The following MEF2A variants were observed in gnomAD, a reference collection of about 807,000 sequenced individuals.
MEF2A encodes myocyte enhancer factor 2A, also known as myocyte-specific enhancer factor 2A.
In MEF2A, 28 loss-of-function variants were observed where a neutral mutation model predicts 55.8. The observed-to-expected ratio is 0.50, with a 90% CI of 0.37 to 0.69. The LOEUF (loss-of-function observed/expected upper bound fraction) is 0.69, where lower values mean the gene tolerates loss of function less well. Ranked by LOEUF, MEF2A falls within the 30% of genes least tolerant of loss-of-function variation. The probability of loss-of-function intolerance (pLI) is 0.00; values close to 1 mark genes in which losing one functional copy is unlikely to be tolerated. For missense variants in MEF2A, 528 were observed against 626.2 expected (o/e 0.84, Z 1.67); for synonymous variants, 239 against 227.1 (o/e 1.05, Z -0.47).
intron 8 of MEF2A, among the ~76,000 whole-genome samples, chr15:99,690,968 C>G (rs540229109): frequency 1.3e-5 from 2 of 152,082 alleles, no homozygotes; most frequent in Non-Finnish European, 2.9e-5. Context: ...TTGAAATGTT[C>G]CCAACAAATA....
chr15:99,604,812 C>T (rs567166972), intron 2 of MEF2A, among the ~76,000 whole-genome samples: 8 of 151,720 alleles, frequency 5.3e-5, no homozygotes, highest in African/African-American at 1.7e-4. Flanking sequence ...CAGTGTTGGT[C>T]CAGAGAAGCC....
chr15:99,692,750 G>A (rs935639366), intron 8 of MEF2A, among the ~76,000 whole-genome samples: 1 of 152,100 alleles, frequency 6.6e-6, no homozygotes, highest in Non-Finnish European at 1.5e-5. Flanking sequence ...CTACACTAGG[G>A]GCAAAAAGTT....
At chr15:99,588,816 T>A (rs1968295189) in intron 1 of MEF2A, among the ~76,000 whole-genome samples, 1 of 152,112 alleles carries the variant, frequency 6.6e-6, no homozygotes, top group Non-Finnish European at 1.5e-5. Flanking sequence ...TTTCTCTATG[T>A]CTATTGGAAT....
chr15:99,585,887 T>G (rs1340934072), intron 1 of MEF2A, among the ~76,000 whole-genome samples: 1 of 152,210 alleles, frequency 6.6e-6, no homozygotes, highest in African/African-American at 2.4e-5. Flanking sequence ...TGGATCTTTT[T>G]GTGTTCTTCG....
At chr15:99,681,892 A>G (rs1305278040) in intron 7 of MEF2A, 1 of 152,164 alleles carries the variant, frequency 6.6e-6, no homozygotes, top group African/African-American at 2.4e-5. Flanking sequence ...AATCTTTTCT[A>G]CTTTCAGAAA....
chr15:99,642,230 CT>C (rs1203535144), intron 3 of MEF2A, among the ~76,000 whole-genome samples: 1 of 152,058 alleles, frequency 6.6e-6, no homozygotes, highest in East Asian at 1.9e-4. Context: ...AGTTTTTTCC[CT>C]TCTTAAAAGT....
At chr15:99,672,091 G>T (rs1252820456) in intron 5 of MEF2A, among the ~76,000 whole-genome samples, 2 of 152,168 alleles carry the variant, frequency 1.3e-5, no homozygotes, top group African/African-American at 4.8e-5. Context: ...AAAGCAAAAT[G>T]TAAGGTAGTT....
At chr15:99,642,664 A>C (rs984277838) in intron 3 of MEF2A, among the ~76,000 whole-genome samples, 1 of 152,134 alleles carries the variant, frequency 6.6e-6, no homozygotes, top group African/African-American at 2.4e-5. Flanking sequence ...TATTTTCTTT[A>C]TTTATTTTGG....
intron 3 of MEF2A, among the ~76,000 whole-genome samples, chr15:99,633,972 T>G (rs576377447): frequency 6.6e-6 from 1 of 152,334 alleles, no homozygotes; most frequent in East Asian, 1.9e-4. Flanking sequence ...GTTTACTCTC[T>G]GACACTTTTA....
chr15:99,587,504 G>A (rs762437609), intron 1 of MEF2A, among the ~76,000 whole-genome samples: 2 of 152,088 alleles, frequency 1.3e-5, no homozygotes, highest in Non-Finnish European at 2.9e-5. Context: ...GACTTAGATT[G>A]TGTTGAATCT....
intron 9 of MEF2A, 93 bp from the exon 10 acceptor site, chr15:99,706,636 G>A: frequency 7.1e-7 from 1 of 1,412,444 alleles, no homozygotes; most frequent in South Asian, 1.2e-5. Context: ...ACATTCATAT[G>A]AAACTGTGAA....
chr15:99,707,281 T>G (rs919177337), intron 10 of MEF2A, among the ~76,000 whole-genome samples: 1 of 152,134 alleles, frequency 6.6e-6, no homozygotes, highest in Admixed American at 6.6e-5. Flanking sequence ...CATGAATCCC[T>G]TTGGACCTGA....
chr15:99,674,437 A>G lies in MEF2A; in HGVS notation c.435A>G (p.Pro145=), dbSNP rs1567402036. 1 of 1,613,458 alleles carries G rather than the reference A, an allele frequency of 6.2e-7. No individual in the cohort carries two copies. The highest frequency in any genetic ancestry group is 2.2e-5 in the East Asian group (1 of 44,884). The part of the protein sequence containing the change: ...PQNFSMSVTV[P]VTSPNALSYT... The stretch of plus-strand genomic sequence containing the variant: ...ACTTTTCAATGTCTGTCACAGTTCC[A>G]GTGACCAGCCCCAATGCTTTGTCCT... Residue 145 remains proline (P), a synonymous_variant, in exon 6 of 12, where the codon CCA becomes CCG. Coordinates refer to ENST00000557942, the MANE Select transcript of MEF2A (RefSeq NM_001319206.4).
chr15:99,612,957 A>G (rs1018294471), intron 2 of MEF2A, among the ~76,000 whole-genome samples: 2 of 152,134 alleles, frequency 1.3e-5, no homozygotes, highest in Non-Finnish European at 2.9e-5. Context: ...ATGTAATTCA[A>G]GGAAACGGGA....
intron 4 of MEF2A, among the ~76,000 whole-genome samples, chr15:99,669,343 C>T (rs935058141): frequency 6.6e-6 from 1 of 152,204 alleles, no homozygotes; most frequent in Non-Finnish European, 1.5e-5. Flanking sequence ...TATATTTGTT[C>T]TGTTTCTAGT....
At chr15:99,636,826 T>A (rs1339505899) in intron 3 of MEF2A, among the ~76,000 whole-genome samples, 1 of 152,170 alleles carries the variant, frequency 6.6e-6, no homozygotes, top group Non-Finnish European at 1.5e-5. Flanking sequence ...CTTTCATGTT[T>A]TAGACCTGTT....
chr15:99,701,728 T>C (rs1303591660), intron 8 of MEF2A, among the ~76,000 whole-genome samples: 1 of 152,184 alleles, frequency 6.6e-6, no homozygotes, highest in East Asian at 1.9e-4. Flanking sequence ...TATACATACA[T>C]ACATAACAAA....
chr15:99,567,908 G>T (rs144953610), intron 1 of MEF2A, among the ~76,000 whole-genome samples: 1 of 152,118 alleles, frequency 6.6e-6, no homozygotes, highest in Non-Finnish European at 1.5e-5. Flanking sequence ...TGATAATGGT[G>T]TTACAATAAT....
At chr15:99,590,478 A>G (rs959334865) in intron 1 of MEF2A, among the ~76,000 whole-genome samples, 2 of 149,274 alleles carry the variant, frequency 1.3e-5, no homozygotes, top group African/African-American at 2.5e-5. Context: ...TGTAGATAAT[A>G]TATATTTACT....
Sources: allele counts gnomAD v4.1 joint callset (sites outside exome capture counted in the v4.1 genomes callset), GRCh38; gene constraint gnomAD v4.1.1; transcripts MANE v1.5; gene names NCBI Gene and HGNC (gene_info 2026-07-23, HGNC 2026-07-21).